Variants in ARHGAP45 observed in about 807,000 individuals in gnomAD.
ARHGAP45 encodes Rho GTPase activating protein 45.
A neutral mutation model predicts 116.1 loss-of-function variants in ARHGAP45; 56 were observed. The ratio of observed to expected loss-of-function variants is 0.48; its 90% confidence interval spans 0.39 to 0.60. ARHGAP45 has a LOEUF of 0.60. Among genes scored for constraint, ARHGAP45 ranks in the 20% least tolerant of loss-of-function variants. ARHGAP45 has a pLI of 0.00. For missense variants in ARHGAP45, 1,622 were observed against 1,601.0 expected (o/e 1.01, Z -0.22); for synonymous variants, 866 against 701.7 (o/e 1.23, Z -3.70).
At position 1,079,728 on chromosome 19, in the gene ARHGAP45, G is replaced by A; in HGVS notation, c.1400G>A (p.Arg467His). ...GCGGAGGAAGCTATGGCCACCTACCGCACCTGCGTGGCCGACGCGAAGACG... is the reference window on the plus strand; with the variant it reads ...GCGGAGGAAGCTATGGCCACCTACCACACCTGCGTGGCCGACGCGAAGACG... ...NKAEEAMATY[R>H]TCVADAKTQK... Residue 467 changes from arginine to histidine, a missense_variant, in exon 12 of 23, where the codon CGC becomes CAC. Coordinates refer to ENST00000313093, the MANE Select transcript of ARHGAP45 (RefSeq NM_012292.5). 6.2e-7 allele frequency: 1 copy of A among 1,612,572 alleles called. No homozygotes were observed. The highest frequency in any genetic ancestry group is 8.5e-7 in the Non-Finnish European group (1 of 1,179,748).
In ARHGAP45 at chr19:1,083,066, G is replaced by C; in HGVS notation, c.2744G>C (p.Arg915Thr). 4.5e-6 allele frequency: 7 copies of C among 1,551,746 alleles called. No homozygotes were observed. The highest frequency in any genetic ancestry group is 6.1e-6 in the Non-Finnish European group (7 of 1,152,954). Residue 915 changes from arginine to threonine, a missense_variant and splice_region_variant, in exon 20 of 23, where the codon AGG becomes ACG. Physicochemically the swap from Arg to Thr is moderately conservative, Grantham distance 71 (BLOSUM62 -1). Around this residue, in one of 3 missense-constraint regions of ARHGAP45, gnomAD observed 1,334 missense variants for 1,263.8 expected, o/e 1.06. Transcript: ENST00000313093. ...SLQYLLRHLRRIVEVEQDNKM... is the reference protein window; with the variant it reads ...SLQYLLRHLRTIVEVEQDNKM... ...CAGTACCTGCTGCGTCACCTACGCAGGTGAGTCCCGGCATATGGAGTGGAG... is the reference window on the plus strand; with the variant it reads ...CAGTACCTGCTGCGTCACCTACGCACGTGAGTCCCGGCATATGGAGTGGAG...
intron 19 of ARHGAP45, chr19:1,082,479 C>G: frequency 2.9e-6 from 1 of 342,756 alleles, no homozygotes; most frequent in South Asian, 4.5e-5. Context: ...GGGCTAGGGG[C>G]GTGGTCATGT....
chr19:1,073,990 C>T lies in ARHGAP45; in HGVS notation c.766C>T (p.Pro256Ser). The T allele has an allele frequency of 1.3e-6, 2 of 1,595,278 alleles. No individual in the cohort carries two copies. The highest frequency in any genetic ancestry group is 1.7e-6 in the Non-Finnish European group (2 of 1,171,706). Residue 256 changes from proline to serine, a missense_variant, in exon 6 of 23, where the codon CCC (proline) becomes TCC (serine). Coordinates refer to ENST00000313093, the MANE Select transcript of ARHGAP45 (RefSeq NM_012292.5). ...LYGPGSEGTPPSLEDCDAGCL... is the reference protein window; with the variant it reads ...LYGPGSEGTPSSLEDCDAGCL... ...TGGACCGGGCAGTGAGGGCACGCCT[C>T]CCAGCCTGGAAGACTGTGACGCCGG...
At chr19:1,077,079 G>A in intron 10 of ARHGAP45, 2 of 985,326 alleles carry the variant, frequency 2.0e-6, no homozygotes, top group South Asian at 4.7e-5. Flanking sequence ...ATCTGATGGT[G>A]CAGGTTGTGA....
At position 1,081,636 on chromosome 19, in the gene ARHGAP45, C is replaced by T. The variant is rs1367308421; in HGVS notation, c.2277C>T (p.Phe759=). The T allele has an allele frequency of 4.4e-6, 7 of 1,573,654 alleles. No homozygotes were observed. Among genetic ancestry groups the T allele is most frequent in the South Asian group, 1.2e-5 (1 of 86,578 alleles). ...HKKLQGRLQL[F]GQDFSHAARS... ...AGCTGCAAGGCCGCCTGCAGCTGTT[C>T]GGCCAGGACTTCAGCCACGCGGCCC... is the stretch of plus-strand genomic sequence containing the variant. Residue 759 remains phenylalanine (F), a synonymous_variant, in exon 18 of 23, where the codon TTC becomes TTT. Transcript: ENST00000313093.
Position 1,073,540 on chromosome 19 carries a change from A to G in ARHGAP45, c.600A>G (p.Lys200=). Residue 200 remains lysine (K), a synonymous_variant, in exon 4 of 23, where the codon AAA becomes AAG. Coordinates refer to ENST00000313093, the MANE Select transcript of ARHGAP45 (RefSeq NM_012292.5). ...ATGAGAGCAACAATGATCTGGAGAA[A>G]CAGGAGTTCGAGAAGGCCCTGGAGA... ...FHYESNNDLE[K]QEFEKALETI... 1 of 1,613,998 alleles carries G rather than the reference A, an allele frequency of 6.2e-7. No individual in the cohort carries two copies. The highest frequency in any genetic ancestry group is 8.5e-7 in the Non-Finnish European group (1 of 1,179,968).
In ARHGAP45 at chr19:1,081,666, C is replaced by T. The variant is rs1188296143; in HGVS notation, c.2307C>T (p.Ser769=). Residue 769 remains serine, a synonymous_variant, in exon 18 of 23, where the codon AGC becomes AGT. Coordinates refer to ENST00000313093, the MANE Select transcript of ARHGAP45 (RefSeq NM_012292.5). ...FGQDFSHAAR[S]APDGVPFIVK... ...AGGACTTCAGCCACGCGGCCCGCAG[C>T]GCCCCCGACGGCGTGCCCTTCATCG... 7 of 1,582,828 alleles carry T rather than the reference C, an allele frequency of 4.4e-6. No individual in the cohort carries two copies. Among genetic ancestry groups the T allele is most frequent in the Non-Finnish European group, 6.0e-6 (7 of 1,165,216 alleles).
rs532892924 is a variant in ARHGAP45, at chr19:1,086,192, G to A, written c.*186G>A. 19 of 603,010 alleles carry A rather than the reference G, an allele frequency of 3.2e-5. No homozygotes were observed. Among genetic ancestry groups the A allele is most frequent in the South Asian group, 1.2e-4 (6 of 51,022 alleles). 37.4% of individuals were successfully genotyped at this position (603,010 alleles called of 1,614,324 possible). ...GCTTCCAGGAGCACGAGGGCCTTGC[G>A]GCACAGGACTGTGCCCTGTGCTGTC... On this transcript the variant is annotated 3_prime_UTR_variant, in exon 23 of 23. Coordinates refer to ENST00000313093, the MANE Select transcript of ARHGAP45 (RefSeq NM_012292.5).
At chr19:1,073,068 A>C in intron 2 of ARHGAP45, 81 bp from the exon 3 acceptor site, 2 of 1,457,712 alleles carry the variant, frequency 1.4e-6, no homozygotes, top group Non-Finnish European at 1.8e-6. Context: ...TGGGAACAGG[A>C]GCTCTAAAGA....
At chr19:1,073,893 G>A (rs1769011859) in intron 5 of ARHGAP45, 55 bp from the exon 6 acceptor site, 2 of 1,531,086 alleles carry the variant, frequency 1.3e-6, no homozygotes, top group Non-Finnish European at 8.8e-7. Context: ...CTGAAGGGTG[G>A]GCACTGCCCA....
chr19:1,073,843 C>T (rs377411790), intron 5 of ARHGAP45, 97 bp downstream of exon 5: 44 of 1,529,928 alleles, frequency 2.9e-5, no homozygotes, highest in South Asian at 4.8e-5. Context: ...TTCCCCTGTG[C>T]GCCTTGGTTT....
At chr19:1,073,363 A>G in intron 3 of ARHGAP45, 71 bp downstream of exon 3, 1 of 1,595,102 alleles carries the variant, frequency 6.3e-7, no homozygotes, top group Non-Finnish European at 8.5e-7. Context: ...GGATGTTTGA[A>G]GTGGGTTTTG....
At position 1,083,271 on chromosome 19, in the gene ARHGAP45, A is replaced by G; in HGVS notation, c.2873A>G (p.His958Arg). 1 of 1,597,752 alleles carries G rather than the reference A, an allele frequency of 6.3e-7. No homozygotes were observed. The highest frequency in any genetic ancestry group is 8.5e-7 in the Non-Finnish European group (1 of 1,172,164). Residue 958 changes from histidine (H) to arginine (R), a missense_variant, in exon 21 of 23, where the codon CAT (histidine) becomes CGT (arginine). By Grantham distance (29) the His-to-Arg change is conservative (BLOSUM62 0). Coordinates refer to ENST00000313093, the MANE Select transcript of ARHGAP45 (RefSeq NM_012292.5). ...VSLSSLVDYPHQARVIETLIV... is the reference protein window; with the variant it reads ...VSLSSLVDYPRQARVIETLIV... ...CTCTCCTCCCTGGTGGATTATCCCC[A>G]TCAGGCCCGCGTCATCGAGACTCTC...
rs2043130953 is a variant in ARHGAP45 at position 1,071,092 on chromosome 19, G to C, written c.422-2057G>C. ...GGTCTGGGCCTCAGTTTCCCTGCCCGTCCTCGACCCTCCCCACCTCGAAGC... is the reference window on the plus strand; with the variant it reads ...GGTCTGGGCCTCAGTTTCCCTGCCCCTCCTCGACCCTCCCCACCTCGAAGC... On this transcript the variant is annotated intron_variant, in intron 2 of 22. Transcript: ENST00000313093. The surrounding 1 kb of genome is among the most constrained non-coding windows in gnomAD (Gnocchi z 4.6). The C allele has an allele frequency of 1.0e-6, 1 of 981,782 alleles. No homozygotes were observed. 60.8% of individuals were successfully genotyped at this position (981,782 alleles called of 1,614,324 possible).
In ARHGAP45 at chr19:1,069,395, C is replaced by T. The variant is rs1022379655; in HGVS notation, c.421+651C>T. Among the ~76,000 whole-genome samples the T allele has an allele frequency of 2.0e-5, 3 of 152,230 alleles. No homozygotes were observed. Among genetic ancestry groups the T allele is most frequent in the African/African-American group, 7.2e-5 (3 of 41,462 alleles). ...GTTTGTCCCTGGCAGCCCAGGCGGG[C>T]ACCTCATGTGCTGCCTTCAGCCCCC... On this transcript the variant is annotated intron_variant, in intron 2 of 22. Transcript: ENST00000313093. The surrounding 1 kb of genome is among the most constrained non-coding windows in gnomAD (Gnocchi z 4.1).
chr19:1,066,467 G>C, upstream of ARHGAP45: 1 of 439,928 alleles, frequency 2.3e-6, no homozygotes, highest in South Asian at 2.4e-5. Context: ...CTAAGGGCAG[G>C]TCTGGGGCAA....
intron 10 of ARHGAP45, among the ~76,000 whole-genome samples, chr19:1,076,136 G>A (rs552360510): frequency 1.3e-5 from 2 of 152,280 alleles, no homozygotes; most frequent in African/African-American, 4.8e-5. Context: ...GCTATGACAA[G>A]CTTGTGCCCC....
At chr19:1,078,374 A>T (rs577445087) in intron 11 of ARHGAP45, among the ~76,000 whole-genome samples, 2 of 151,480 alleles carry the variant, frequency 1.3e-5, no homozygotes, top group Non-Finnish European at 2.9e-5. Context: ...CGATCTCCTG[A>T]CCTCGTGATC....
chr19:1,077,395 G>A, intron 10 of ARHGAP45: 1 of 590,438 alleles, frequency 1.7e-6, no homozygotes. Flanking sequence ...TTTTTTTTTT[G>A]AGCTGGAATC....
Sources: allele counts gnomAD v4.1 joint callset (sites outside exome capture counted in the v4.1 genomes callset), GRCh38; gene constraint gnomAD v4.1.1; regional missense constraint gnomAD v4.1.1; non-coding constraint Gnocchi (gnomAD v3.1); transcripts MANE v1.5; gene names NCBI Gene and HGNC (gene_info 2026-07-23, HGNC 2026-07-21).